ELMO1: variants seen among roughly 807,000 people sequenced by gnomAD.
The protein encoded by ELMO1 is engulfment and cell motility protein 1.
A neutral mutation model predicts 98.9 loss-of-function variants in ELMO1; 26 were observed. The ratio of observed to expected loss-of-function variants is 0.26; its 90% CI spans 0.19 to 0.36. The LOEUF (loss-of-function observed/expected upper bound fraction) is 0.36, where lower values mean the gene tolerates loss of function less well. ELMO1 is among the 10% of genes least tolerant of loss of function. The pLI is 1.00. For synonymous variants in ELMO1, 346 were observed against 346.0 expected (o/e 1.00, Z 0.00); for missense variants, 627 against 935.2 (o/e 0.67, Z 4.30).
chr7:37,427,700 C>T (rs957337021), intron 1 of ELMO1, among the ~76,000 whole-genome samples: 4 of 152,348 alleles, frequency 2.6e-5, no homozygotes, highest in Non-Finnish European at 4.4e-5. Context: ...CTTTTAATAG[C>T]TGTCACTTTT....
chr7:36,933,342 G>A (rs1174352679), intron 16 of ELMO1, among the ~76,000 whole-genome samples: 4 of 152,222 alleles, frequency 2.6e-5, no homozygotes, highest in East Asian at 3.9e-4. Flanking sequence ...AGAACTAGTC[G>A]CTTTATCTAA....
chr7:37,432,621 G>C (rs115786970), intron 1 of ELMO1, among the ~76,000 whole-genome samples: 1 of 152,212 alleles, frequency 6.6e-6, no homozygotes, highest in South Asian at 2.1e-4. Flanking sequence ...GTCTAGAAAC[G>C]TATATTATCA....
intron 18 of ELMO1, among the ~76,000 whole-genome samples, chr7:36,883,281 C>T (rs1305431348): frequency 6.6e-6 from 1 of 152,186 alleles, no homozygotes; most frequent in Non-Finnish European, 1.5e-5. Context: ...CAATGTTAGC[C>T]CTGGACTCTT....
At position 37,413,464 on chromosome 7, in the gene ELMO1, AAAG is replaced by A. The variant is rs1804078767; in HGVS notation, c.-74+35208_-74+35210del. On this transcript the variant is annotated intron_variant, in intron 1 of 21. Coordinates refer to ENST00000310758, the MANE Select transcript of ELMO1 (RefSeq NM_014800.11). ...GGGCTTTTGGTTGATTTACTGAACA[AAAG>A]AAGAAAATACCAGTTGGTACAACCT... Among the ~76,000 whole-genome samples the A allele has an allele frequency of 3.9e-5, 6 of 152,362 alleles. No individual in the cohort carries two copies. In the South Asian group the frequency reaches 1.0e-3, roughly 26 times the overall value.
In ELMO1 at chr7:37,225,093, G is replaced by A. The variant is rs754437239; in HGVS notation, c.550-63C>T. ...TAAGTAGAGCAGAGACGTGGAGAAG[G>A]GAACAAATGAATCAAATCGGGAACT... is the stretch of plus-strand genomic sequence containing the variant. On this transcript the variant is annotated intron_variant, in intron 8 of 21. Transcript: ENST00000310758. The A allele has an allele frequency of 9.5e-6, 15 of 1,586,916 alleles. No individual in the cohort carries two copies. The East Asian group carries it at 1.1e-4, about 12-fold the overall frequency.
chr7:37,143,970 C>T (rs976099898), intron 13 of ELMO1, among the ~76,000 whole-genome samples: 2 of 152,020 alleles, frequency 1.3e-5, no homozygotes, highest in Admixed American at 6.5e-5. Context: ...CTTGGCCTCC[C>T]AAAGTGCTGG....
chr7:37,419,007 C>T (rs768793158), intron 1 of ELMO1, among the ~76,000 whole-genome samples: 15 of 152,170 alleles, frequency 9.9e-5, no homozygotes, highest in Middle Eastern at 6.8e-3. Context: ...TCCCAGGGTC[C>T]TAGAGACTCC....
At chr7:36,996,855 A>C (rs910145856) in intron 16 of ELMO1, among the ~76,000 whole-genome samples, 5 of 152,216 alleles carry the variant, frequency 3.3e-5, no homozygotes, top group African/African-American at 1.2e-4. Flanking sequence ...CTGGGCACTC[A>C]GTATGACTAA....
intron 1 of ELMO1, among the ~76,000 whole-genome samples, chr7:37,389,389 T>C (rs553168861): frequency 1.3e-5 from 2 of 152,350 alleles, no homozygotes; most frequent in East Asian, 1.9e-4. Context: ...TTCAAAAGGA[T>C]TTTTTGTTAA....
chr7:37,354,115 T>C (rs951126731), intron 1 of ELMO1, among the ~76,000 whole-genome samples: 8 of 152,226 alleles, frequency 5.3e-5, no homozygotes, highest in Admixed American at 6.5e-5. Context: ...AGAGCACTTT[T>C]CCACACCTTA....
rs953713003 is a variant in ELMO1 at position 37,076,046 on chromosome 7, A to G, written c.1300+20573T>C. Among the ~76,000 whole-genome samples the G allele has an allele frequency of 7.9e-5, 12 of 152,348 alleles. No homozygotes were observed. In the South Asian group the frequency reaches 2.3e-3, roughly 29 times the overall value. ...ACACATTTGTACTACATCCCAGTAC[A>G]CAGGCAGATGAATGTAAAACTGATT... On this transcript the variant is annotated intron_variant, in intron 15 of 21. Transcript: ENST00000310758.
intron 13 of ELMO1, among the ~76,000 whole-genome samples, chr7:37,163,341 T>TTTTTG (rs1364969370): frequency 2.3e-4 from 2 of 8,668 alleles, no homozygotes; most frequent in African/African-American, 2.9e-4. Flanking sequence ...AGTGTTCTTT[T>TTTTTG]TTTTTTTTTT....
chr7:37,129,250 G>A (rs981479743), intron 14 of ELMO1, among the ~76,000 whole-genome samples: 4 of 134,192 alleles, frequency 3.0e-5, no homozygotes, highest in Non-Finnish European at 6.1e-5. Context: ...GAAGCACTCG[G>A]AACTCTTTAG....
At chr7:37,086,823 T>C (rs1245835461) in intron 15 of ELMO1, among the ~76,000 whole-genome samples, 1 of 131,226 alleles carries the variant, frequency 7.6e-6, no homozygotes, top group Non-Finnish European at 1.7e-5. Context: ...CCAATTCTCA[T>C]GCCCTTATTC....
At chr7:36,900,635 T>C (rs1806428647) in intron 16 of ELMO1, among the ~76,000 whole-genome samples, 1 of 152,214 alleles carries the variant, frequency 6.6e-6, no homozygotes, top group African/African-American at 2.4e-5. Flanking sequence ...GGAGGGTTTC[T>C]GGAGAAGGTA....
At chr7:37,202,685 A>G (rs1485975951) in intron 13 of ELMO1, among the ~76,000 whole-genome samples, 2 of 152,198 alleles carry the variant, frequency 1.3e-5, no homozygotes, top group African/African-American at 4.8e-5. Flanking sequence ...GTACTGAATG[A>G]TCTGTAGAAA....
intron 14 of ELMO1, among the ~76,000 whole-genome samples, chr7:37,098,729 G>A (rs975773102): frequency 6.6e-6 from 1 of 152,148 alleles, no homozygotes; most frequent in African/African-American, 2.4e-5. Context: ...CAGGAGGGGA[G>A]AATAAGTTCC....
chr7:37,297,609 GAA>G (rs1343293493), intron 4 of ELMO1, among the ~76,000 whole-genome samples: 5 of 136,812 alleles, frequency 3.7e-5, no homozygotes, highest in African/African-American at 5.4e-5. Context: ...AGCACTGCTT[GAA>G]AAAAAAAAAA....
intron 16 of ELMO1, among the ~76,000 whole-genome samples, chr7:36,917,935 CAT>C (rs556124384): frequency 6.6e-6 from 1 of 152,200 alleles, no homozygotes; most frequent in Admixed American, 6.5e-5. Context: ...TATCTGAAAA[CAT>C]AATACTGAGT....
Sources: gnomAD v4.1 joint callset for allele counts (sites outside exome capture counted in the v4.1 genomes callset) on GRCh38, gnomAD v4.1.1 for gene constraint, MANE v1.5 for transcripts, NCBI Gene and HGNC (gene_info 2026-07-23, HGNC 2026-07-21) for gene names.